Variants in PCSK5 observed in about 807,000 individuals in gnomAD.
PCSK5 encodes the protein proprotein convertase subtilisin/kexin type 5, also known as prohormone convertase 5.
Under a neutral mutation model 233.2 loss-of-function variants are expected in PCSK5, and 129 were observed. The observed-to-expected ratio is 0.55, with a 90% CI of 0.48 to 0.64. PCSK5 has a LOEUF of 0.64. Among genes scored for constraint, PCSK5 ranks in the 30% least tolerant of loss-of-function variants. The pLI is 0.00. For missense variants in PCSK5, 2,076 were observed against 2,430.1 expected (o/e 0.85, Z 3.06); for synonymous variants, 825 against 879.2 (o/e 0.94, Z 1.09).
Position 76,017,289 on chromosome 9 carries a change from A to G in PCSK5, c.412-6449A>G, listed in dbSNP as rs1890559. Reference sequence around the variant, plus strand: ...ATCAATTGCCCTTTCAACTTTGCCAATCTATCTCTCCAGACAATGAAGAAA... The same window carrying G: ...ATCAATTGCCCTTTCAACTTTGCCAGTCTATCTCTCCAGACAATGAAGAAA... On this transcript the variant is annotated intron_variant, in intron 3 of 37. Transcript: ENST00000674117. Among the ~76,000 whole-genome samples, 1,452 of 152,208 alleles carry G rather than the reference A, an allele frequency of 9.5e-3. 26 individuals are homozygous for G. The highest frequency in any genetic ancestry group is 0.033 in the African/African-American group (1,364 of 41,528).
Position 76,315,928 on chromosome 9 carries a change from G to GTTT in PCSK5, c.3884+5098_3884+5100dup, listed in dbSNP as rs71499141. Among the ~76,000 whole-genome samples, 382 of 91,736 alleles carry GTTT rather than the reference G, an allele frequency of 4.2e-3. 1 individual carries two copies. Among genetic ancestry groups the GTTT allele is most frequent in the Middle Eastern group, 0.011 (1 of 88 alleles). 60.2% of individuals were successfully genotyped at this position (91,736 alleles called of 152,430 possible). A position where few individuals can be genotyped will look rare whatever the true frequency, so the allele number is the denominator to read the frequency against. ...ATTACAGGCATGAGCCACTTCAAGGGTTTTTTTTTTTTTTTTTTTTTTTGC... is the reference window on the plus strand; with the variant it reads ...ATTACAGGCATGAGCCACTTCAAGGGTTTTTTTTTTTTTTTTTTTTTTTTTTGC... On this transcript the variant is annotated intron_variant, in intron 30 of 37. Coordinates refer to ENST00000674117, the MANE Select transcript of PCSK5 (RefSeq NM_001372043.1).
intron 22 of PCSK5, among the ~76,000 whole-genome samples, chr9:76,235,030 C>T: frequency 6.6e-6 from 1 of 152,206 alleles, no homozygotes; most frequent in East Asian, 1.9e-4. Flanking sequence ...AGCCTCAACA[C>T]ATTTGATGTC....
At chr9:76,092,756 G>T (rs760033575) in intron 7 of PCSK5, among the ~76,000 whole-genome samples, 2 of 152,172 alleles carry the variant, frequency 1.3e-5, no homozygotes, top group Admixed American at 6.5e-5. Flanking sequence ...AGTGCTTGGC[G>T]CATAGAAGGT....
intron 28 of PCSK5, among the ~76,000 whole-genome samples, chr9:76,302,618 T>C (rs1282168747): frequency 6.6e-6 from 1 of 152,132 alleles, no homozygotes; most frequent in Non-Finnish European, 1.5e-5. Context: ...CAGCAGGAGA[T>C]GAGAGAAATA....
rs77744590 is a variant in PCSK5 at position 76,202,377 on chromosome 9, A to G, written c.2626+12631A>G. Reference sequence around the variant, plus strand: ...TCATGTGTCTTCATCTTCATCTCCTATTCCATTTTCCACAACAGCCAGAAT... The same window carrying G: ...TCATGTGTCTTCATCTTCATCTCCTGTTCCATTTTCCACAACAGCCAGAAT... On this transcript the variant is annotated intron_variant, in intron 20 of 37. Transcript: ENST00000674117. Among the ~76,000 whole-genome samples, 574 of 152,232 alleles carry G rather than the reference A, an allele frequency of 3.8e-3. 6 individuals carry two copies. Among genetic ancestry groups the G allele is most frequent in the African/African-American group, 0.013 (545 of 41,536 alleles).
At position 75,895,651 on chromosome 9, in the gene PCSK5, A is replaced by T. The variant is rs186831660; in HGVS notation, c.192+4278A>T. On this transcript the variant is annotated intron_variant, in intron 1 of 37. Transcript: ENST00000674117. ...CTAGTCATAGGCCATGAAATGTTAC[A>T]GGATAAGCATACTGCGGATGGACAA... 3.4e-3 allele frequency among the ~76,000 whole-genome samples: 517 copies of T among 152,340 alleles called. 2 individuals are homozygous for T. Among genetic ancestry groups the T allele is most frequent in the Non-Finnish European group, 4.5e-3 (305 of 68,028 alleles).
chr9:76,034,602 CCTT>C (rs1444856673), intron 5 of PCSK5, among the ~76,000 whole-genome samples: 1 of 152,120 alleles, frequency 6.6e-6, no homozygotes, highest in African/African-American at 2.4e-5. Context: ...GAGAATTCCT[CCTT>C]CACCTCCCAC....
At chr9:76,047,987 G>A (rs1221116179) in intron 5 of PCSK5, among the ~76,000 whole-genome samples, 1 of 152,014 alleles carries the variant, frequency 6.6e-6, no homozygotes, top group African/African-American at 2.4e-5. Context: ...TTTTTCCAAG[G>A]GCATTTGGAA....
intron 7 of PCSK5, among the ~76,000 whole-genome samples, chr9:76,081,369 A>C (rs1390979849): frequency 6.6e-6 from 1 of 152,050 alleles, no homozygotes. Context: ...CAGGAGAATC[A>C]CTTGAACCCG....
intron 1 of PCSK5, among the ~76,000 whole-genome samples, chr9:75,907,528 A>G (rs911186159): frequency 1.2e-4 from 18 of 152,178 alleles, no homozygotes; most frequent in African/African-American, 3.9e-4. Flanking sequence ...AGACCTTGGC[A>G]TCATTAGCAG....
intron 2 of PCSK5, among the ~76,000 whole-genome samples, chr9:75,974,698 C>T (rs1193494045): frequency 1.3e-5 from 2 of 152,170 alleles, no homozygotes; most frequent in Admixed American, 6.5e-5. Context: ...GACCTTCCCC[C>T]AAGGCAGTCC....
chr9:76,017,486 A>G (rs1386014686), intron 3 of PCSK5, among the ~76,000 whole-genome samples: 1 of 152,192 alleles, frequency 6.6e-6, no homozygotes, highest in African/African-American at 2.4e-5. Context: ...CTTTATAGCA[A>G]TTATCTGTGT....
At chr9:76,340,381 C>G (rs1829794553) in intron 35 of PCSK5, among the ~76,000 whole-genome samples, 1 of 152,078 alleles carries the variant, frequency 6.6e-6, no homozygotes, top group South Asian at 2.1e-4. Flanking sequence ...CGCGGTGGCT[C>G]ACACCTGTAA....
intron 2 of PCSK5, among the ~76,000 whole-genome samples, chr9:75,966,172 C>T (rs1825577066): frequency 6.6e-6 from 1 of 152,064 alleles, no homozygotes; most frequent in Non-Finnish European, 1.5e-5. Flanking sequence ...ACGTACTAAC[C>T]TATACTGAGG....
At chr9:76,130,405 T>C (rs1822709071) in intron 9 of PCSK5, among the ~76,000 whole-genome samples, 1 of 152,200 alleles carries the variant, frequency 6.6e-6, no homozygotes, top group South Asian at 2.1e-4. Flanking sequence ...TGGTGATTGA[T>C]AGCATAAGTT....
In PCSK5 at chr9:76,160,161, G is replaced by T. The variant is rs144380423; in HGVS notation, c.1619+990G>T. Among the ~76,000 whole-genome samples, 8 of 152,136 alleles carry T rather than the reference G, an allele frequency of 5.3e-5. No individual in the cohort carries two copies. In the East Asian group the frequency reaches 1.5e-3, roughly 29 times the overall value. ...ATTGCCCTAGAGGGTATTCAGTTTC[G>T]CTTGTTAGCCTCTCCTCCCTGCTTC... On this transcript the variant is annotated intron_variant, in intron 12 of 37. Coordinates refer to ENST00000674117, the MANE Select transcript of PCSK5 (RefSeq NM_001372043.1).
intron 7 of PCSK5, among the ~76,000 whole-genome samples, chr9:76,075,518 ATCTT>A (rs1830614729): frequency 6.6e-6 from 1 of 152,070 alleles, no homozygotes; most frequent in Non-Finnish European, 1.5e-5. Flanking sequence ...GGTTAAATAA[ATCTT>A]TCTTGGGGCA....
Position 76,157,111 on chromosome 9 carries a change from C to T in PCSK5, c.1379C>T (p.Thr460Ile). ...EAMVMEAEKWTTVPRQHVCVE... is the reference protein window; with the variant it reads ...EAMVMEAEKWITVPRQHVCVE... ...ATGGTGATGGAGGCAGAGAAGTGGA[C>T]CACCGTTCCCCGGCAGCACGTGTGT... Residue 460 changes from threonine to isoleucine, a missense_variant, in exon 11 of 38, where the codon ACC becomes ATC. Coordinates refer to ENST00000674117, the MANE Select transcript of PCSK5 (RefSeq NM_001372043.1). The T allele has an allele frequency of 6.2e-7, 1 of 1,613,778 alleles. No individual in the cohort carries two copies.
intron 8 of PCSK5, 115 bp downstream of exon 8, chr9:76,096,217 A>ACACAC: frequency 6.0e-6 from 4 of 669,858 alleles, no homozygotes; most frequent in Non-Finnish European, 1.0e-5. Context: ...ACACACACAG[A>ACACAC]AGTAATATAT....
Sources: allele counts gnomAD v4.1 joint callset (sites outside exome capture counted in the v4.1 genomes callset), GRCh38; gene constraint gnomAD v4.1.1; transcripts MANE v1.5; gene names NCBI Gene and HGNC (gene_info 2026-07-23, HGNC 2026-07-21).